NTN5: variants seen among roughly 807,000 people sequenced by gnomAD.
The protein encoded by NTN5 is netrin 5.
Under a neutral mutation model 38.7 loss-of-function variants are expected in NTN5, and 42 were observed. The ratio of observed to expected loss-of-function variants is 1.08; its 90% CI spans 0.85 to 1.40. The LOEUF (loss-of-function observed/expected upper bound fraction) is 1.40. Ranked by LOEUF, NTN5 falls within the 40% of genes most tolerant of loss-of-function variation. The pLI, the probability that NTN5 is intolerant of heterozygous loss-of-function variation, is 0.00. For synonymous variants in NTN5, 329 were observed against 303.9 expected, an observed-to-expected ratio of 1.08 and a Z score of -0.86; for missense variants, 658 against 716.5, an observed-to-expected ratio of 0.92 and a Z score of 0.93.
At position 48,670,356 on chromosome 19, in the gene NTN5, G is replaced by T; in HGVS notation, c.631C>A (p.Pro211Thr). Residue 211 changes from proline to threonine, a missense_variant and splice_region_variant, in exon 2 of 7, where the codon CCC becomes ACC. Coordinates refer to ENST00000270235, the MANE Select transcript of NTN5 (RefSeq NM_145807.4). Reference protein sequence around the residue: ...ATPRHPHPCLPCSCNQHARRC... With the variant: ...ATPRHPHPCLTCSCNQHARRC... ...GGAGAGTGAGGGGCGCAGGACTCAC[G>T]TAGGCAAGGGTGGGGGTGCCGGGGC... 7.1e-7 allele frequency: 1 copy of T among 1,409,628 alleles called. No homozygotes were observed. Among genetic ancestry groups the T allele is most frequent in the Non-Finnish European group, 9.2e-7 (1 of 1,082,708 alleles). 87.3% of individuals were successfully genotyped at this position (1,409,628 alleles called of 1,614,324 possible).
intron 2 of NTN5, among the ~76,000 whole-genome samples, chr19:48,666,048 G>T (rs1465305922): frequency 6.6e-6 from 1 of 152,234 alleles, no homozygotes; most frequent in East Asian, 1.9e-4. Flanking sequence ...TCTAGCATTC[G>T]TACGTGCAGG....
Position 48,670,893 on chromosome 19 carries a change from G to T in NTN5, c.94C>A (p.Pro32Thr), listed in dbSNP as rs545620225. 1.2e-6 allele frequency: 2 copies of T among 1,608,774 alleles called. No homozygotes were observed. Among genetic ancestry groups the T allele is most frequent in the African/African-American group, 2.7e-5 (2 of 75,008 alleles). Residue 32 changes from proline to threonine, a missense_variant, in exon 2 of 7, where the codon CCA (proline) becomes ACA (threonine). Coordinates refer to ENST00000270235, the MANE Select transcript of NTN5 (RefSeq NM_145807.4). ...GCCACGGCAGCCAGCTGTGTCACTGGCGGGAGGCAGAATTGGGGGCGGCCC... is the reference window on the plus strand; with the variant it reads ...GCCACGGCAGCCAGCTGTGTCACTGTCGGGAGGCAGAATTGGGGGCGGCCC... Reference protein sequence around the residue: ...PQGRPQFCLPPVTQLAAVAAS... With the variant: ...PQGRPQFCLPTVTQLAAVAAS...
Position 48,661,502 on chromosome 19 carries a change from T to C in NTN5, c.*175A>G. 1.4e-6 allele frequency: 1 copy of C among 689,708 alleles called. No individual in the cohort carries two copies. Among genetic ancestry groups the C allele is most frequent in the Non-Finnish European group, 2.1e-6 (1 of 476,398 alleles). The allele number at this position is 689,708 out of a possible 1,614,324, so 42.7% of individuals were successfully genotyped here. A position where few individuals can be genotyped will look rare whatever the true frequency, so the allele number is the denominator to read the frequency against. Reference sequence around the variant, plus strand: ...GAAATGTTGGGACCAGAAGTCCCGCTTGCCGCCTTTTGCTAAAAGTTCCGC... The same window carrying C: ...GAAATGTTGGGACCAGAAGTCCCGCCTGCCGCCTTTTGCTAAAAGTTCCGC... On this transcript the variant is annotated 3_prime_UTR_variant, in exon 7 of 7. Coordinates refer to ENST00000270235, the MANE Select transcript of NTN5 (RefSeq NM_145807.4).
Position 48,670,341 on chromosome 19 carries a change from G to C in NTN5, c.631+15C>G. 1.4e-6 allele frequency: 2 copies of C among 1,391,478 alleles called. No individual in the cohort carries two copies. The highest frequency in any genetic ancestry group is 1.9e-6 in the Non-Finnish European group (2 of 1,072,310). 86.2% of individuals were successfully genotyped at this position (1,391,478 alleles called of 1,614,324 possible). Reference sequence around the variant, plus strand: ...GGCAGGCAAAGGCAGGGAGAGTGAGGGGCGCAGGACTCACGTAGGCAAGGG... The same window carrying C: ...GGCAGGCAAAGGCAGGGAGAGTGAGCGGCGCAGGACTCACGTAGGCAAGGG... On this transcript the variant is annotated intron_variant, in intron 2 of 6. Coordinates refer to ENST00000270235, the MANE Select transcript of NTN5 (RefSeq NM_145807.4).
chr19:48,661,885 A>G lies in NTN5; in HGVS notation c.1262T>C (p.Leu421Pro), dbSNP rs1349855340. The change falls in exon 7 of 7, where the codon CTG becomes CCG. Residue 421 changes from leucine (L) to proline (P), a missense_variant. By Grantham distance (98) the Leu-to-Pro change is moderately conservative. Transcript: ENST00000270235. ...GTAGTCGGTGCCTGGCTGCAGGCGCAGGCAGCCGCAGGTCAGGTCGGCGCG... is the reference window on the plus strand; with the variant it reads ...GTAGTCGGTGCCTGGCTGCAGGCGCGGGCAGCCGCAGGTCAGGTCGGCGCG... The part of the protein sequence containing the change: ...VPRADLTCGC[L>P]RLQPGTDYLL... 5 of 1,347,860 alleles carry G rather than the reference A, an allele frequency of 3.7e-6. No individual in the cohort carries two copies. Among genetic ancestry groups the G allele is most frequent in the Non-Finnish European group, 3.8e-6 (4 of 1,051,884 alleles). The allele number at this position is 1,347,860 out of a possible 1,614,324, so 83.5% of individuals were successfully genotyped here. A position where few individuals can be genotyped will look rare whatever the true frequency, so the allele number is the denominator to read the frequency against.
At chr19:48,663,952 A>G in intron 4 of NTN5, 138 bp from the exon 5 acceptor site, 1 of 1,131,862 alleles carries the variant, frequency 8.8e-7, no homozygotes, top group Non-Finnish European at 1.3e-6. Flanking sequence ...CCTTGCCTTC[A>G]GGCCCCAAGC....
At chr19:48,669,139 C>A (rs2031793544) in intron 2 of NTN5, among the ~76,000 whole-genome samples, 3 of 129,346 alleles carry the variant, frequency 2.3e-5, no homozygotes, top group African/African-American at 9.8e-5. Context: ...ATCATCATAT[C>A]ACCATCATCA....
At chr19:48,663,669 A>T (rs2031609948) in intron 5 of NTN5, 92 bp downstream of exon 5, 1 of 1,510,594 alleles carries the variant, frequency 6.6e-7, no homozygotes, top group Admixed American at 1.7e-5. Context: ...ACTGGGCTCA[A>T]TGGGTGACCC....
intron 2 of NTN5, among the ~76,000 whole-genome samples, chr19:48,669,721 CCACCACCACCATCACCAT>C (rs1568452462): frequency 1.9e-5 from 2 of 107,090 alleles, no homozygotes; most frequent in Admixed American, 1.0e-4. Flanking sequence ...ACCATCACCA[CCACCACCACCATCACCAT>C]CACCACCACC....
At chr19:48,663,848 C>G (rs2031616483) in intron 4 of NTN5, 34 bp from the exon 5 acceptor site, 1 of 1,604,400 alleles carries the variant, frequency 6.2e-7, no homozygotes, top group African/African-American at 1.3e-5. Flanking sequence ...ACCTCTTAGT[C>G]ATTTCCCCCA....
At position 48,667,464 on chromosome 19, in the gene NTN5, G is replaced by A. The variant is rs1182530290; in HGVS notation, c.632-2697C>T. The stretch of plus-strand genomic sequence containing the variant: ...GAAGGCTGCCTCATCCTCAGGCCTG[G>A]TGAGTCTCACCCCTCACTCCCCTGC... On this transcript the variant is annotated intron_variant, in intron 2 of 6. Transcript: ENST00000270235. 3 of 317,214 alleles carry A rather than the reference G, an allele frequency of 9.5e-6. No individual in the cohort carries two copies. The East Asian group carries it at 3.8e-4, about 40-fold the overall frequency. The allele number at this position is 317,214 out of a possible 1,614,324, so 19.6% of individuals were successfully genotyped here.
At position 48,661,607 on chromosome 19, in the gene NTN5, A is replaced by C. The variant is rs1456247751; in HGVS notation, c.*70T>G. 41 of 1,413,442 alleles carry C rather than the reference A, an allele frequency of 2.9e-5. No individual in the cohort carries two copies. Among genetic ancestry groups the C allele is most frequent in the Non-Finnish European group, 3.7e-5 (40 of 1,085,012 alleles). 87.6% of individuals were successfully genotyped at this position (1,413,442 alleles called of 1,614,324 possible). A position where few individuals can be genotyped will look rare whatever the true frequency, so the allele number is the denominator to read the frequency against. ...ATTGGCTCTCTGCAGTGCACCGTCG[A>C]GGTAGAAGGCTCAGCTCCTAGTCGC... On this transcript the variant is annotated 3_prime_UTR_variant, in exon 7 of 7. Coordinates refer to ENST00000270235, the MANE Select transcript of NTN5 (RefSeq NM_145807.4).
chr19:48,664,840 G>T, intron 2 of NTN5, 73 bp from the exon 3 acceptor site: 1 of 1,315,038 alleles, frequency 7.6e-7, no homozygotes. Context: ...TTCTTCCCAT[G>T]GCCCTGCCCT....
Position 48,663,823 on chromosome 19 carries a change from C to A in NTN5, c.971-9G>T. On this transcript the variant is annotated splice_polypyrimidine_tract_variant and intron_variant, in intron 4 of 6. Coordinates refer to ENST00000270235, the MANE Select transcript of NTN5 (RefSeq NM_145807.4). ...TGTTGCCTCTGGAATTCCTGTGAGA[C>A]CAAAGGAGAAATTAACCTCTTAGTC... The A allele has an allele frequency of 6.2e-7, 1 of 1,613,190 alleles. No individual in the cohort carries two copies. The highest frequency in any genetic ancestry group is 1.7e-5 in the Admixed American group (1 of 60,012).
intron 2 of NTN5, among the ~76,000 whole-genome samples, chr19:48,669,697 TCATCACCATCACCAC>T (rs2031864037): frequency 5.9e-5 from 1 of 17,006 alleles, no homozygotes; most frequent in Non-Finnish European, 1.5e-4. Flanking sequence ...ACCACCACCA[TCATCACCATCACCAC>T]CATCACCACC....
In NTN5 at chr19:48,670,682, C is replaced by A. The variant is rs868570230; in HGVS notation, c.305G>T (p.Trp102Leu). Reference sequence around the variant, plus strand: ...GGCGGGCCTGTGCCACAGCAGCCTCCAGGGACCCCCTGAGGCCCAGGCAGC... The same window carrying A: ...GGCGGGCCTGTGCCACAGCAGCCTCAAGGGACCCCCTGAGGCCCAGGCAGC... ...LSAAWASGGP[W>L]RLLWHRPAWP... The change falls in exon 2 of 7, where the codon TGG (tryptophan) becomes TTG (leucine). Residue 102 changes from tryptophan (W) to leucine (L), a missense_variant. Physicochemically the swap from Trp to Leu is moderately conservative, Grantham distance 61. Transcript: ENST00000270235. 1.2e-6 allele frequency: 2 copies of A among 1,609,794 alleles called. No individual in the cohort carries two copies. The highest frequency in any genetic ancestry group is 3.3e-4 in the Middle Eastern group (2 of 6,022).
chr19:48,670,928 T>C lies in NTN5; in HGVS notation c.59A>G (p.Tyr20Cys), dbSNP rs747422519. Residue 20 changes from tyrosine to cysteine, a missense_variant, in exon 2 of 7, where the codon TAC becomes TGC. Transcript: ENST00000270235. Reference sequence around the variant, plus strand: ...GAATTGGGGGCGGCCCTGTGGATCGTAGCATGGGTCCGCAGTGGCCTGGCC... The same window carrying C: ...GAATTGGGGGCGGCCCTGTGGATCGCAGCATGGGTCCGCAGTGGCCTGGCC... Reference protein sequence around the residue: ...LLGQATADPCYDPQGRPQFCL... With the variant: ...LLGQATADPCCDPQGRPQFCL... The C allele has an allele frequency of 2.3e-5, 37 of 1,591,938 alleles. No individual in the cohort carries two copies. Among genetic ancestry groups the C allele is most frequent in the Non-Finnish European group, 3.0e-5 (35 of 1,168,246 alleles).
intron 1 of NTN5, 139 bp from the exon 2 acceptor site, chr19:48,671,145 G>A (rs2031953263): frequency 8.7e-6 from 5 of 573,920 alleles, no homozygotes; most frequent in African/African-American, 1.9e-5. Context: ...GAGGAAAATA[G>A]TTCCATCTGG....
At chr19:48,669,147 TCACCAC>T (rs1367433050) in intron 2 of NTN5, among the ~76,000 whole-genome samples, 1 of 75,262 alleles carries the variant, frequency 1.3e-5, no homozygotes, top group Non-Finnish European at 2.5e-5. Flanking sequence ...ATCACCATCA[TCACCAC>T]CATCACCACC....
Sources: allele counts gnomAD v4.1 joint callset (sites outside exome capture counted in the v4.1 genomes callset), GRCh38; gene constraint gnomAD v4.1.1; transcripts MANE v1.5; gene names NCBI Gene and HGNC (gene_info 2026-07-23, HGNC 2026-07-21).